The following UBA2 variants were observed in gnomAD, a reference collection of about 807,000 sequenced individuals.
UBA2 encodes ubiquitin like modifier activating enzyme 2, also known as SUMO-activating enzyme subunit 2.
A neutral mutation model predicts 77.2 loss-of-function variants in UBA2; 11 were observed. The observed-to-expected ratio is 0.14, with a 90% CI of 0.09 to 0.24. UBA2 has a LOEUF of 0.24. Ranked by LOEUF, UBA2 falls within the 10% of genes least tolerant of loss-of-function variation. The pLI is 1.00. For synonymous variants in UBA2, 278 were observed against 276.7 expected (o/e 1.00, Z -0.05); for missense variants, 487 against 781.7 (o/e 0.62, Z 4.50).
intron 6 of UBA2, among the ~76,000 whole-genome samples, chr19:34,442,210 TG>T (rs1479091705): frequency 6.6e-6 from 1 of 152,134 alleles, no homozygotes; most frequent in East Asian, 1.9e-4. Flanking sequence ...ACACTAGCCT[TG>T]GGGACAGTAA....
rs889147236 is a variant in UBA2, at chr19:34,428,404, C to G, written c.-29C>G. 1 of 1,240,372 alleles carries G rather than the reference C, an allele frequency of 8.1e-7. No individual in the cohort carries two copies. The highest frequency in any genetic ancestry group is 1.0e-6 in the Non-Finnish European group (1 of 990,990). The allele number at this position is 1,240,372 out of a possible 1,614,324, so 76.8% of individuals were successfully genotyped here. A position where few individuals can be genotyped will look rare whatever the true frequency, so the allele number is the denominator to read the frequency against. On this transcript the variant is annotated 5_prime_UTR_variant, in exon 1 of 17. Transcript: ENST00000246548. ...CCGCGGCTCGGTTCTCCCGCCTCCG[C>G]CTCCGCCGCGGCTCGTGGTTGTCCC...
intron 5 of UBA2, 139 bp from the exon 6 acceptor site, chr19:34,438,506 T>G (rs1181666972): frequency 9.7e-7 from 1 of 1,033,742 alleles, no homozygotes; most frequent in African/African-American, 1.6e-5. Flanking sequence ...GTAAGCATTT[T>G]GGAGTCACTA....
chr19:34,450,690 T>C (rs1251145474), intron 9 of UBA2, among the ~76,000 whole-genome samples: 1 of 152,090 alleles, frequency 6.6e-6, no homozygotes, highest in Non-Finnish European at 1.5e-5. Flanking sequence ...ATGTAGTGTT[T>C]TTGTATTTTC....
chr19:34,464,925 A>G (rs1167142072), intron 15 of UBA2, among the ~76,000 whole-genome samples: 1 of 151,838 alleles, frequency 6.6e-6, no homozygotes, highest in Non-Finnish European at 1.5e-5. Context: ...GCCTGGCCAA[A>G]GGCTGGTGGT....
intron 15 of UBA2, among the ~76,000 whole-genome samples, chr19:34,464,717 TATTA>T (rs1190054466): frequency 5.9e-5 from 9 of 152,298 alleles, no homozygotes; most frequent in African/African-American, 2.2e-4. Flanking sequence ...GGAATAAAAT[TATTA>T]ATTATTTTTC....
At chr19:34,454,381 A>C in intron 11 of UBA2, 28 bp downstream of exon 11, 1 of 1,593,500 alleles carries the variant, frequency 6.3e-7, no homozygotes. Flanking sequence ...AAGTTGTATC[A>C]CTAAAACCTT....
chr19:34,460,550 A>G lies in UBA2; in HGVS notation c.1482A>G (p.Glu494=), dbSNP rs749290002. ...AAGGAACAATCCTAATATCTTCCGA[A>G]GAGGGAGAGACGGAAGGTATCATAC... ...DGKGTILISS[E]EGETEANNHK... is the part of the protein sequence containing the mutation. The change falls in exon 14 of 17, where the codon GAA becomes GAG. Residue 494 remains glutamate, a synonymous_variant. Coordinates refer to ENST00000246548, the MANE Select transcript of UBA2 (RefSeq NM_005499.3). 3 of 1,610,148 alleles carry G rather than the reference A, an allele frequency of 1.9e-6. No homozygotes were observed. Among genetic ancestry groups the G allele is most frequent in the Non-Finnish European group, 1.7e-6 (2 of 1,177,870 alleles).
At chr19:34,452,179 C>T (rs781755246) in intron 10 of UBA2, 32 bp downstream of exon 10, 1 of 1,524,516 alleles carries the variant, frequency 6.6e-7, no homozygotes, top group Non-Finnish European at 8.9e-7. Flanking sequence ...CAAGTACTTA[C>T]ATGTCAAAAG....
At chr19:34,430,256 A>G (rs2910412) in intron 1 of UBA2, 18,751 of 222,078 alleles carry the variant, frequency 0.084, 1,328 homozygotes, top group African/African-American at 0.21. Context: ...CCTCGACAGC[A>G]CATATAGTTT....
intron 4 of UBA2, among the ~76,000 whole-genome samples, chr19:34,433,683 A>G (rs8109261): frequency 0.93 from 141,795 of 152,270 alleles, 66,165 homozygotes; most frequent in African/African-American, 0.98. Context: ...ACTGTGGCTC[A>G]GCACAGTGGC....
intron 5 of UBA2, among the ~76,000 whole-genome samples, chr19:34,435,298 T>G (rs1275367817): frequency 6.6e-6 from 1 of 152,210 alleles, no homozygotes; most frequent in Non-Finnish European, 1.5e-5. Context: ...CTTGGGAGGC[T>G]GAGCCAGGCG....
At chr19:34,450,153 C>A in intron 8 of UBA2, 112 bp from the exon 9 acceptor site, 1 of 697,354 alleles carries the variant, frequency 1.4e-6, no homozygotes, top group Non-Finnish European at 2.4e-6. Context: ...TGGTATATGA[C>A]ATGTATCTTT....
At chr19:34,441,232 G>T (rs1396456864) in intron 6 of UBA2, among the ~76,000 whole-genome samples, 4 of 151,988 alleles carry the variant, frequency 2.6e-5, no homozygotes, top group Admixed American at 2.6e-4. Flanking sequence ...GAGGCGAGCG[G>T]ATCACGAGGT....
chr19:34,444,195 T>G (rs2075403231), intron 7 of UBA2, among the ~76,000 whole-genome samples: 1 of 151,706 alleles, frequency 6.6e-6, no homozygotes, highest in Non-Finnish European at 1.5e-5. Context: ...GTAGCTGGGA[T>G]TACAGGCACC....
At chr19:34,433,249 T>C in intron 3 of UBA2, 99 bp from the exon 4 acceptor site, 2 of 826,590 alleles carry the variant, frequency 2.4e-6, no homozygotes, top group South Asian at 3.0e-5. Context: ...ATCAGTTTTG[T>C]TTACAGTTAC....
intron 6 of UBA2, among the ~76,000 whole-genome samples, chr19:34,439,471 T>C (rs866323200): frequency 7.9e-5 from 12 of 152,304 alleles, no homozygotes; most frequent in South Asian, 4.1e-4. Flanking sequence ...GGCTGAACAT[T>C]AATTACTAAA....
chr19:34,434,333 C>T (rs565899264), intron 4 of UBA2, among the ~76,000 whole-genome samples: 10 of 152,228 alleles, frequency 6.6e-5, no homozygotes, highest in Middle Eastern at 3.4e-3. Flanking sequence ...CCAGGCTGGC[C>T]TCGAACTCCT....
At chr19:34,457,166 T>TA (rs569078000) in intron 12 of UBA2, among the ~76,000 whole-genome samples, 1,525 of 51,036 alleles carry the variant, frequency 0.03, 46 homozygotes, top group East Asian at 0.066. Context: ...TGGTCTCTAC[T>TA]AAAAAAAAAA....
At chr19:34,460,385 T>A in intron 13 of UBA2, 85 bp from the exon 14 acceptor site, 1 of 892,282 alleles carries the variant, frequency 1.1e-6, no homozygotes, top group Non-Finnish European at 1.7e-6. Context: ...AAGGGGAAAG[T>A]AAGAGCCTTT....
Sources: allele counts gnomAD v4.1 joint callset (sites outside exome capture counted in the v4.1 genomes callset), GRCh38; gene constraint gnomAD v4.1.1; transcripts MANE v1.5; gene names NCBI Gene and HGNC (gene_info 2026-07-23, HGNC 2026-07-21).